Variants in NMNAT2 observed in about 807,000 individuals in gnomAD.
NMNAT2 encodes the protein nicotinamide/nicotinic acid mononucleotide adenylyltransferase 2.
In NMNAT2, 11 loss-of-function variants were observed where a neutral mutation model predicts 41.6. The ratio of observed to expected loss-of-function variants is 0.26; its 90% CI spans 0.17 to 0.44. The LOEUF (loss-of-function observed/expected upper bound fraction) is 0.44. Among genes scored for constraint, NMNAT2 ranks in the 20% least tolerant of loss-of-function variants. The pLI is 1.00. For missense variants in NMNAT2, 288 were observed against 407.7 expected (o/e 0.71, Z 2.53); for synonymous variants, 148 against 151.2 (o/e 0.98, Z 0.16).
At chr1:183,410,977 C>G (rs1278208903) in intron 1 of NMNAT2, among the ~76,000 whole-genome samples, 1 of 152,112 alleles carries the variant, frequency 6.6e-6, no homozygotes, top group African/African-American at 2.4e-5. Flanking sequence ...CTTGGCCTCC[C>G]AAAGTGCTGG....
rs1663015205 is a variant in NMNAT2 at position 183,350,144 on chromosome 1, A to G, written c.86-56351T>C. Among the ~76,000 whole-genome samples the G allele has an allele frequency of 2.0e-5, 3 of 152,222 alleles. No individual in the cohort carries two copies. In the South Asian group the frequency reaches 6.2e-4, roughly 32 times the overall value. On this transcript the variant is annotated intron_variant, in intron 1 of 10. Transcript: ENST00000287713. ...CACAATCCCTGCCCTCATGGAGCTC[A>G]TCTTCCAAGGGGATCACTGTAGAGG...
At chr1:183,398,745 G>T (rs1179625481) in intron 1 of NMNAT2, among the ~76,000 whole-genome samples, 1 of 152,166 alleles carries the variant, frequency 6.6e-6, no homozygotes, top group Non-Finnish European at 1.5e-5. Context: ...CTAGAACTCA[G>T]GATTAAGAAA....
intron 1 of NMNAT2, among the ~76,000 whole-genome samples, chr1:183,398,143 A>T (rs902678083): frequency 6.6e-6 from 1 of 152,234 alleles, no homozygotes; most frequent in Admixed American, 6.5e-5. Flanking sequence ...AAGACCTATC[A>T]GTGTGCCATA....
chr1:183,315,795 A>AAT (rs1553214098), intron 1 of NMNAT2, among the ~76,000 whole-genome samples: 9 of 150,916 alleles, frequency 6.0e-5, no homozygotes, highest in Non-Finnish European at 8.9e-5. Flanking sequence ...AAAAAAAAAA[A>AAT]GCAAAGAATG....
intron 1 of NMNAT2, among the ~76,000 whole-genome samples, chr1:183,298,247 T>G (rs1661754605): frequency 6.6e-6 from 1 of 151,302 alleles, no homozygotes; most frequent in African/African-American, 2.4e-5. Flanking sequence ...AAAAGGAAAA[T>G]AAAAAAACCT....
intron 1 of NMNAT2, among the ~76,000 whole-genome samples, chr1:183,312,264 GC>G (rs1197719577): frequency 2.7e-5 from 4 of 150,580 alleles, no homozygotes. Context: ...ATAATTTAAG[GC>G]TTTTTTTTTT....
rs185533902 is a variant in NMNAT2 at position 183,410,891 on chromosome 1, A to T, written c.85+7292T>A. On this transcript the variant is annotated intron_variant, in intron 1 of 10. Coordinates refer to ENST00000287713, the MANE Select transcript of NMNAT2 (RefSeq NM_015039.4). Reference sequence around the variant, plus strand: ...TGCCAACACACCCAGCTAATTTTTTAAATTTTTGTAGAGATGGGGTCTCAT... The same window carrying T: ...TGCCAACACACCCAGCTAATTTTTTTAATTTTTGTAGAGATGGGGTCTCAT... Among the ~76,000 whole-genome samples the T allele has an allele frequency of 1.5e-3, 232 of 151,678 alleles. No homozygotes were observed. The Middle Eastern group carries it at 0.027, about 18-fold the overall frequency.
At chr1:183,397,275 C>T (rs74129760) in intron 1 of NMNAT2, among the ~76,000 whole-genome samples, 1,771 of 152,168 alleles carry the variant, frequency 0.012, 26 homozygotes, top group African/African-American at 0.041. Flanking sequence ...TCCTATCCCA[C>T]TGGTATCAGC....
At chr1:183,402,406 A>C (rs1648836733) in intron 1 of NMNAT2, among the ~76,000 whole-genome samples, 1 of 152,200 alleles carries the variant, frequency 6.6e-6, no homozygotes, top group Non-Finnish European at 1.5e-5. Flanking sequence ...ATGCATTAAG[A>C]CTTACATAGA....
intron 10 of NMNAT2, among the ~76,000 whole-genome samples, chr1:183,253,323 TAA>T (rs1041225292): frequency 5.4e-5 from 8 of 148,188 alleles, no homozygotes; most frequent in African/African-American, 1.2e-4. Flanking sequence ...ATTATTTATA[TAA>T]GTGTTAATAT....
intron 8 of NMNAT2, among the ~76,000 whole-genome samples, chr1:183,265,939 A>C (rs1467262025): frequency 6.6e-6 from 1 of 152,208 alleles, no homozygotes; most frequent in African/African-American, 2.4e-5. Flanking sequence ...AGAAGAGAGA[A>C]GATAATGGGA....
intron 1 of NMNAT2, among the ~76,000 whole-genome samples, chr1:183,342,025 T>A (rs1001459705): frequency 2.1e-5 from 3 of 141,674 alleles, no homozygotes; most frequent in Admixed American, 7.0e-5. Flanking sequence ...TCCTCACCTT[T>A]TTTTTTTTTT....
chr1:183,304,391 A>G (rs1661945092), intron 1 of NMNAT2, among the ~76,000 whole-genome samples: 1 of 152,024 alleles, frequency 6.6e-6, no homozygotes, highest in African/African-American at 2.4e-5. Flanking sequence ...TGCAGAAGGC[A>G]CATGATGGCA....
Position 183,250,316 on chromosome 1 carries a change from A to G in NMNAT2, c.*2325T>C, listed in dbSNP as rs1382845043. ...TGGATTGATGGAGTCCGCTTCTGGG[A>G]TTTCTTCCAAGCTGCTGAGATCTCT... On this transcript the variant is annotated 3_prime_UTR_variant, in exon 11 of 11. Transcript: ENST00000287713. 2 of 152,172 alleles carry G rather than the reference A, an allele frequency of 1.3e-5. No homozygotes were observed. The highest frequency in any genetic ancestry group is 2.9e-5 in the Non-Finnish European group (2 of 68,090). 9.4% of individuals were successfully genotyped at this position (152,172 alleles called of 1,614,324 possible).
intron 1 of NMNAT2, among the ~76,000 whole-genome samples, chr1:183,294,608 T>A (rs1661632378): frequency 6.6e-6 from 1 of 152,138 alleles, no homozygotes; most frequent in African/African-American, 2.4e-5. Context: ...CTGGCCAACA[T>A]GGTGAAACCC....
intron 1 of NMNAT2, among the ~76,000 whole-genome samples, chr1:183,354,798 G>A (rs775457087): frequency 6.6e-6 from 1 of 152,048 alleles, no homozygotes; most frequent in Non-Finnish European, 1.5e-5. Context: ...ATATCCCAGA[G>A]TTACCTACTT....
chr1:183,259,314 C>G (rs1435529788), intron 10 of NMNAT2, among the ~76,000 whole-genome samples: 1 of 152,156 alleles, frequency 6.6e-6, no homozygotes, highest in Non-Finnish European at 1.5e-5. Flanking sequence ...CTGCCCTCAC[C>G]TCACAGTGGA....
At chr1:183,329,199 G>T (rs1261874473) in intron 1 of NMNAT2, among the ~76,000 whole-genome samples, 1 of 152,100 alleles carries the variant, frequency 6.6e-6, no homozygotes, top group Non-Finnish European at 1.5e-5. Flanking sequence ...CAATCATGTT[G>T]TTGTATTCCT....
At chr1:183,278,822 TCCAGA>T (rs1435607917) in intron 7 of NMNAT2, 193 bp from the exon 8 acceptor site, 31 of 570,860 alleles carry the variant, frequency 5.4e-5, no homozygotes, top group Non-Finnish European at 9.3e-5. Flanking sequence ...CGGGCTCATT[TCCAGA>T]CCACCCTCAT....
Sources: allele counts gnomAD v4.1 joint callset (sites outside exome capture counted in the v4.1 genomes callset), GRCh38; gene constraint gnomAD v4.1.1; transcripts MANE v1.5; gene names NCBI Gene and HGNC (gene_info 2026-07-23, HGNC 2026-07-21).